Variants in CNTNAP4 observed in about 807,000 individuals in gnomAD.
The protein encoded by CNTNAP4 is contactin associated protein family member 4, also known as contactin-associated protein-like 4.
CNTNAP4 carries 98 observed loss-of-function variants against 148.4 expected under a neutral mutation model. The observed-to-expected ratio is 0.66, with a 90% confidence interval of 0.56 to 0.78. The LOEUF (loss-of-function observed/expected upper bound fraction) is 0.78, where lower values mean the gene tolerates loss of function less well. CNTNAP4 is among the 30% of genes least tolerant of loss of function. The pLI, the probability that CNTNAP4 is intolerant of heterozygous loss-of-function variation, is 0.00. For missense variants in CNTNAP4, 1,935 were observed against 1,565.6 expected, an observed-to-expected ratio of 1.24 and a Z score of -3.98; for synonymous variants, 730 against 565.1, an observed-to-expected ratio of 1.29 and a Z score of -4.14.
In CNTNAP4 at chr16:76,495,051, CT is replaced by C; in HGVS notation, c.2223del (p.Asp742ThrfsTer20). ...IDSQYYCNCD[A>X]DRNEWTNDTG... ...TCTCAGTATTACTGCAATTGTGATG[CT>C]GACCGGAATGAATGGTGATTTCCAT... is the stretch of plus-strand genomic sequence containing the variant. On this transcript the variant is annotated frameshift_variant, in exon 14 of 24. Coordinates refer to ENST00000611870, the MANE Select transcript of CNTNAP4 (RefSeq NM_033401.5). LOFTEE classifies it high-confidence loss of function. 6.2e-7 allele frequency: 1 copy of C among 1,612,990 alleles called. No individual in the cohort carries two copies. Among genetic ancestry groups the C allele is most frequent in the South Asian group, 1.1e-5 (1 of 90,996 alleles).
At chr16:76,341,424 G>A (rs2144351528) in intron 2 of CNTNAP4, among the ~76,000 whole-genome samples, 1 of 152,264 alleles carries the variant, frequency 6.6e-6, no homozygotes, top group South Asian at 2.1e-4. Context: ...CTAAGGTAGG[G>A]ACAAAGCCAA....
chr16:76,317,300 ACC>A (rs144505397), intron 2 of CNTNAP4, among the ~76,000 whole-genome samples: 1,214 of 118,766 alleles, frequency 0.01, 27 homozygotes, highest in African/African-American at 0.033. Context: ...AACCCAAAAA[ACC>A]CCCCAAAAAA....
At chr16:76,463,891 A>C (rs942313581) in intron 9 of CNTNAP4, among the ~76,000 whole-genome samples, 1 of 152,202 alleles carries the variant, frequency 6.6e-6, no homozygotes, top group Non-Finnish European at 1.5e-5. Context: ...TAAAATTCCA[A>C]CTTCAGGGCT....
intron 3 of CNTNAP4, among the ~76,000 whole-genome samples, chr16:76,425,460 A>G (rs2079353507): frequency 6.6e-6 from 1 of 152,208 alleles, no homozygotes; most frequent in African/African-American, 2.4e-5. Flanking sequence ...CGGATGGAAC[A>G]CAATAAACCT....
chr16:76,494,080 CATACTTTTTTTT>C (rs1243840853), intron 13 of CNTNAP4, among the ~76,000 whole-genome samples: 2 of 69,984 alleles, frequency 2.9e-5, no homozygotes, highest in African/African-American at 7.6e-5. Flanking sequence ...ATTTTTCCTC[CATACTTTTTTTT>C]TTTCCATGAT....
At chr16:76,550,962 G>C (rs907101003) in intron 21 of CNTNAP4, among the ~76,000 whole-genome samples, 1 of 152,116 alleles carries the variant, frequency 6.6e-6, no homozygotes, top group Non-Finnish European at 1.5e-5. Context: ...CTCAATACCA[G>C]ATCCCTCACA....
chr16:76,411,435 G>T (rs919890805), intron 3 of CNTNAP4, among the ~76,000 whole-genome samples: 2 of 151,294 alleles, frequency 1.3e-5, no homozygotes, highest in Non-Finnish European at 3.0e-5. Flanking sequence ...GGGGAATTCA[G>T]TAGTTTTCTT....
chr16:76,429,556 T>C lies in CNTNAP4; in HGVS notation c.538+1957T>C, dbSNP rs116581055. ...CCCTTAGTATGCATTAAACCTAGGA[T>C]ATAAACTCAATATTAACAAATTTAA... On this transcript the variant is annotated intron_variant, in intron 4 of 23. Coordinates refer to ENST00000611870, the MANE Select transcript of CNTNAP4 (RefSeq NM_033401.5). Among the ~76,000 whole-genome samples the C allele has an allele frequency of 6.9e-3, 1,058 of 152,296 alleles. 9 individuals carry two copies. The highest frequency in any genetic ancestry group is 0.024 in the African/African-American group (999 of 41,566).
Position 76,481,289 on chromosome 16 carries a change from G to A in CNTNAP4, c.1882+1751G>A, listed in dbSNP as rs2081818122. Among the ~76,000 whole-genome samples, 4 of 152,188 alleles carry A rather than the reference G, an allele frequency of 2.6e-5. No individual in the cohort carries two copies. The South Asian group carries it at 6.2e-4, about 24-fold the overall frequency. On this transcript the variant is annotated intron_variant, in intron 12 of 23. Coordinates refer to ENST00000611870, the MANE Select transcript of CNTNAP4 (RefSeq NM_033401.5). ...TGTCCAACATGGTAGCCACTAGCAA[G>A]TGCCTATTTGAATTCTAATTTAATT...
intron 4 of CNTNAP4, among the ~76,000 whole-genome samples, chr16:76,441,696 G>A (rs926678159): frequency 6.6e-6 from 1 of 152,096 alleles, no homozygotes; most frequent in Non-Finnish European, 1.5e-5. Context: ...GGTTTCTTAT[G>A]TACTTCAGCA....
chr16:76,418,105 T>C (rs1376823374), intron 3 of CNTNAP4, among the ~76,000 whole-genome samples: 1 of 151,598 alleles, frequency 6.6e-6, no homozygotes, highest in Non-Finnish European at 1.5e-5. Context: ...TTTTTAATCT[T>C]CATGTTTATT....
At chr16:76,471,680 C>G (rs1188727327) in intron 10 of CNTNAP4, among the ~76,000 whole-genome samples, 1 of 152,134 alleles carries the variant, frequency 6.6e-6, no homozygotes. Flanking sequence ...CAAGCCTGCC[C>G]TTTGTTCCTT....
chr16:76,316,601 G>A, intron 2 of CNTNAP4, 78 bp downstream of exon 2: 5 of 903,930 alleles, frequency 5.5e-6, no homozygotes, highest in Non-Finnish European at 9.1e-6. Flanking sequence ...CAGTCATTAT[G>A]AATGATACAT....
Position 76,559,816 on chromosome 16 carries a change from T to G in CNTNAP4, c.*1133T>G, listed in dbSNP as rs2085347014. ...CATTTTGCTGTGCATAGACTTCCAG[T>G]ACATACTTTTTGAAATATGAGCTGC... On this transcript the variant is annotated 3_prime_UTR_variant, in exon 24 of 24. Coordinates refer to ENST00000611870, the MANE Select transcript of CNTNAP4 (RefSeq NM_033401.5). Among the ~76,000 whole-genome samples, 1 of 152,074 alleles carries G rather than the reference T, an allele frequency of 6.6e-6. No individual in the cohort carries two copies. The highest frequency in any genetic ancestry group is 1.5e-5 in the Non-Finnish European group (1 of 67,998).
At chr16:76,278,799 A>G (rs1958578483) in intron 1 of CNTNAP4, among the ~76,000 whole-genome samples, 1 of 152,248 alleles carries the variant, frequency 6.6e-6, no homozygotes, top group African/African-American at 2.4e-5. Context: ...GCTATGGCAT[A>G]TCACTTGACT....
chr16:76,454,732 T>C (rs886285860), intron 8 of CNTNAP4, among the ~76,000 whole-genome samples: 1 of 152,206 alleles, frequency 6.6e-6, no homozygotes, highest in Non-Finnish European at 1.5e-5. Context: ...TTATGTTTTA[T>C]GTATGCGACA....
intron 15 of CNTNAP4, among the ~76,000 whole-genome samples, chr16:76,512,249 G>A (rs924732954): frequency 6.6e-6 from 1 of 152,104 alleles, no homozygotes; most frequent in Admixed American, 6.6e-5. Context: ...GAACATTAGA[G>A]ACTTTTGAGA....
intron 3 of CNTNAP4, among the ~76,000 whole-genome samples, chr16:76,361,627 G>T (rs762550894): frequency 2.6e-5 from 4 of 152,100 alleles, no homozygotes; most frequent in Non-Finnish European, 4.4e-5. Context: ...GTATGAGGGT[G>T]CAGATGTCTC....
chr16:76,279,651 A>G (rs2143722647), intron 1 of CNTNAP4, among the ~76,000 whole-genome samples: 1 of 152,294 alleles, frequency 6.6e-6, no homozygotes, highest in East Asian at 1.9e-4. Context: ...TCATTATAAA[A>G]AACATTTAAA....
Sources: gnomAD v4.1 joint callset for allele counts (sites outside exome capture counted in the v4.1 genomes callset) on GRCh38, gnomAD v4.1.1 for gene constraint, MANE v1.5 for transcripts, NCBI Gene and HGNC (gene_info 2026-07-23, HGNC 2026-07-21) for gene names.